Variants in C4orf33 observed in about 807,000 individuals in gnomAD.
C4orf33 encodes the protein chromosome 4 open reading frame 33.
Under a neutral mutation model 24.3 loss-of-function variants are expected in C4orf33, and 20 were observed. The observed-to-expected ratio is 0.82, with a 90% CI of 0.58 to 1.19. The LOEUF is 1.19. Ranked by LOEUF, C4orf33 falls within the 50% of genes most tolerant of loss-of-function variation. The probability of loss-of-function intolerance (pLI) is 0.00; values close to 1 mark genes in which losing one functional copy is unlikely to be tolerated. For missense variants in C4orf33, 207 were observed against 225.9 expected, an observed-to-expected ratio of 0.92 and a Z score of 0.54; for synonymous variants, 67 against 76.4, an observed-to-expected ratio of 0.88 and a Z score of 0.64.
rs1197742095 is a variant in C4orf33 at position 129,112,768 on chromosome 4, T to A, written c.*977T>A. The A allele has an allele frequency of 6.6e-6, 1 of 152,172 alleles. No individual in the cohort carries two copies. Among genetic ancestry groups the A allele is most frequent in the Admixed American group, 6.5e-5 (1 of 15,280 alleles). The allele number at this position is 152,172 out of a possible 1,614,324, so 9.4% of individuals were successfully genotyped here. On this transcript the variant is annotated 3_prime_UTR_variant, in exon 6 of 6. Coordinates refer to ENST00000425929, the MANE Select transcript of C4orf33 (RefSeq NM_001099783.2). Reference sequence around the variant, plus strand: ...TATCGACTTACTCATTTCTTATATATGTTCTCTATCTAAAAAGAGAGCTGG... The same window carrying A: ...TATCGACTTACTCATTTCTTATATAAGTTCTCTATCTAAAAAGAGAGCTGG...
At chr4:129,098,370 T>C (rs1037650834) in intron 1 of C4orf33, among the ~76,000 whole-genome samples, 8 of 152,304 alleles carry the variant, frequency 5.3e-5, no homozygotes, top group African/African-American at 1.7e-4. Context: ...GCCATCTTTA[T>C]GTCCATGAGT....
At chr4:129,094,309 A>T (rs77553865), upstream of C4orf33, among the ~76,000 whole-genome samples, 2,492 of 74,602 alleles carry the variant, frequency 0.033, 52 homozygotes, top group Middle Eastern at 0.069. Context: ...GTATTTTTTT[A>T]AAAAAAATCA....
Position 129,115,822 on chromosome 4 carries a change from A to AATATATATATTT in C4orf33, c.*4031_*4032insATATATATATTT, listed in dbSNP as rs1554010304. 2.2e-5 allele frequency: 2 copies of AATATATATATTT among 92,698 alleles called. No homozygotes were observed. Among genetic ancestry groups the AATATATATATTT allele is most frequent in the African/African-American group, 7.5e-5 (2 of 26,526 alleles). 5.7% of individuals were successfully genotyped at this position (92,698 alleles called of 1,614,324 possible). A position where few individuals can be genotyped will look rare whatever the true frequency, so the allele number is the denominator to read the frequency against. On this transcript the variant is annotated 3_prime_UTR_variant, in exon 6 of 6. Coordinates refer to ENST00000425929, the MANE Select transcript of C4orf33 (RefSeq NM_001099783.2). ...ACTAAATATATATATATATATATAT[A>AATATATATATTT]TATATATAAAATATATATGTTTATA...
At chr4:129,104,755 T>C (rs1753464036) in intron 2 of C4orf33, among the ~76,000 whole-genome samples, 1 of 69,806 alleles carries the variant, frequency 1.4e-5, no homozygotes. Context: ...GAGCTAAACA[T>C]CTGTTTCTAT....
intron 1 of C4orf33, among the ~76,000 whole-genome samples, chr4:129,096,883 T>G (rs1753222984): frequency 6.6e-6 from 1 of 152,174 alleles, no homozygotes; most frequent in Non-Finnish European, 1.5e-5. Flanking sequence ...ATACTCTTTT[T>G]AAGAGAACCG....
rs574740806 is a variant in C4orf33, at chr4:129,112,090, C to A, written c.*299C>A. 1.5e-5 allele frequency: 3 copies of A among 205,472 alleles called. No individual in the cohort carries two copies. Among genetic ancestry groups the A allele is most frequent in the Admixed American group, 1.2e-4 (2 of 16,892 alleles). The allele number at this position is 205,472 out of a possible 1,614,324, so 12.7% of individuals were successfully genotyped here. A position where few individuals can be genotyped will look rare whatever the true frequency, so the allele number is the denominator to read the frequency against. On this transcript the variant is annotated 3_prime_UTR_variant, in exon 6 of 6. Coordinates refer to ENST00000425929, the MANE Select transcript of C4orf33 (RefSeq NM_001099783.2). ...AAAACTACAAGTGAAAAAGGGGGAACAATTGAGGTTGTCCAAGGCCACCTA... is the reference window on the plus strand; with the variant it reads ...AAAACTACAAGTGAAAAAGGGGGAAAAATTGAGGTTGTCCAAGGCCACCTA...
At chr4:129,095,340 C>A (rs1281503958), upstream of C4orf33, among the ~76,000 whole-genome samples, 1 of 152,148 alleles carries the variant, frequency 6.6e-6, no homozygotes, top group Non-Finnish European at 1.5e-5. Flanking sequence ...CCTGCATTAT[C>A]TGTCATGTTT....
chr4:129,109,643 T>A lies in C4orf33; in HGVS notation c.465T>A (p.His155Gln), dbSNP rs372722498. The A allele has an allele frequency of 6.2e-7, 1 of 1,613,812 alleles. No homozygotes were observed. The highest frequency in any genetic ancestry group is 1.3e-5 in the African/African-American group (1 of 74,942). ...SYEALYPVPQ[H>Q]ELQQGQKPDF... ...AAGCTCTTTACCCTGTACCTCAGCA[T>A]GAACTGCAGCAAGGACAAAAACCTG... The change falls in exon 5 of 6, where the codon CAT becomes CAA. Residue 155 changes from histidine to glutamine, a missense_variant. By Grantham distance (24) the His-to-Gln change is conservative (BLOSUM62 0). Transcript: ENST00000425929.
upstream of C4orf33, among the ~76,000 whole-genome samples, chr4:129,094,666 T>G (rs781169422): frequency 6.6e-6 from 1 of 152,216 alleles, no homozygotes; most frequent in Non-Finnish European, 1.5e-5. Flanking sequence ...TAAATATGGA[T>G]GTGTAGCTTA....
chr4:129,102,393 C>G (rs551264452), intron 1 of C4orf33, among the ~76,000 whole-genome samples: 1 of 152,232 alleles, frequency 6.6e-6, no homozygotes, highest in South Asian at 2.1e-4. Context: ...GTTTTAAAAC[C>G]TCTAGGAACT....
chr4:129,098,809 T>C (rs1001103428), intron 1 of C4orf33, among the ~76,000 whole-genome samples: 17 of 152,210 alleles, frequency 1.1e-4, no homozygotes, highest in African/African-American at 3.9e-4. Context: ...GAACTGAGAG[T>C]TCCTCCCTTT....
chr4:129,107,114 A>G (rs1253352449), intron 3 of C4orf33, among the ~76,000 whole-genome samples: 1 of 152,014 alleles, frequency 6.6e-6, no homozygotes, highest in African/African-American at 2.4e-5. Context: ...TATGTATTAC[A>G]TAATTATGCA....
intron 5 of C4orf33, among the ~76,000 whole-genome samples, chr4:129,110,674 G>C (rs1469007936): frequency 6.6e-6 from 1 of 151,208 alleles, no homozygotes; most frequent in Non-Finnish European, 1.5e-5. Flanking sequence ...TCCTCTCCCT[G>C]TTTGCCTTCT....
At chr4:129,100,187 C>A (rs1753311921) in intron 1 of C4orf33, among the ~76,000 whole-genome samples, 1 of 152,188 alleles carries the variant, frequency 6.6e-6, no homozygotes, top group Non-Finnish European at 1.5e-5. Flanking sequence ...TCTTTTACTT[C>A]TTATCTTCCA....
At chr4:129,095,882 G>A (rs1002230270), upstream of C4orf33, among the ~76,000 whole-genome samples, 1 of 152,094 alleles carries the variant, frequency 6.6e-6, no homozygotes, top group African/African-American at 2.4e-5. Context: ...GCCTTTAGTT[G>A]TATTAAATGA....
chr4:129,115,713 C>T lies in C4orf33; in HGVS notation c.*3922C>T, dbSNP rs1216025613. The T allele has an allele frequency of 6.6e-6, 1 of 151,288 alleles. No homozygotes were observed. The highest frequency in any genetic ancestry group is 1.9e-4 in the East Asian group (1 of 5,166). 9.4% of individuals were successfully genotyped at this position (151,288 alleles called of 1,614,324 possible). A position where few individuals can be genotyped will look rare whatever the true frequency, so the allele number is the denominator to read the frequency against. ...TCCAAAATTAATGCACTGCACACAACCCTCTGCTTTTGTCAGGGGTAGAAG... is the reference window on the plus strand; with the variant it reads ...TCCAAAATTAATGCACTGCACACAATCCTCTGCTTTTGTCAGGGGTAGAAG... On this transcript the variant is annotated 3_prime_UTR_variant, in exon 6 of 6. Transcript: ENST00000425929.
intron 3 of C4orf33, among the ~76,000 whole-genome samples, chr4:129,108,800 G>A (rs1332928445): frequency 6.6e-6 from 1 of 152,082 alleles, no homozygotes; most frequent in Non-Finnish European, 1.5e-5. Context: ...GCATTTGGTG[G>A]CAGTTGTCTG....
intron 1 of C4orf33, among the ~76,000 whole-genome samples, chr4:129,098,253 C>T (rs1435033621): frequency 1.3e-5 from 2 of 152,032 alleles, no homozygotes; most frequent in African/African-American, 4.8e-5. Flanking sequence ...ATTTGAGGTA[C>T]GAATGATCCT....
rs1753721167 is a variant in C4orf33, at chr4:129,113,020, G to A, written c.*1229G>A. 2 of 142,042 alleles carry A rather than the reference G, an allele frequency of 1.4e-5. No individual in the cohort carries two copies. Among genetic ancestry groups the A allele is most frequent in the African/African-American group, 2.5e-5 (1 of 40,524 alleles). 8.8% of individuals were successfully genotyped at this position (142,042 alleles called of 1,614,324 possible). A position where few individuals can be genotyped will look rare whatever the true frequency, so the allele number is the denominator to read the frequency against. ...AAATTACCTGAATAATTTTATAAAT[G>A]CATATAAAACTATCAAAATAAAAAC... On this transcript the variant is annotated 3_prime_UTR_variant, in exon 6 of 6. Coordinates refer to ENST00000425929, the MANE Select transcript of C4orf33 (RefSeq NM_001099783.2).
Sources: allele counts gnomAD v4.1 joint callset (sites outside exome capture counted in the v4.1 genomes callset), GRCh38; gene constraint gnomAD v4.1.1; transcripts MANE v1.5; gene names NCBI Gene and HGNC (gene_info 2026-07-23, HGNC 2026-07-21).